ADAM32: variants seen among roughly 807,000 people sequenced by gnomAD.
ADAM32 encodes disintegrin and metalloproteinase domain-containing protein 32.
Under a neutral mutation model 114.9 loss-of-function variants are expected in ADAM32, and 89 were observed. The observed-to-expected ratio is 0.77, with a 90% CI of 0.65 to 0.92. ADAM32 has a LOEUF of 0.92. Ranked by LOEUF, ADAM32 falls within the 40% of genes least tolerant of loss-of-function variation. The pLI is 0.00. For missense variants in ADAM32, 870 were observed against 932.8 expected, an observed-to-expected ratio of 0.93 and a Z score of 0.88; for synonymous variants, 285 against 307.5, an observed-to-expected ratio of 0.93 and a Z score of 0.77.
At chr8:39,276,417 T>A (rs1813074826) in intron 22 of ADAM32, 1 of 152,224 alleles carries the variant, frequency 6.6e-6, no homozygotes, top group Non-Finnish European at 1.5e-5. Flanking sequence ...TCAGTAAGTA[T>A]CTAGTTCCTC....
At position 39,112,858 on chromosome 8, in the gene ADAM32, G is replaced by A. The variant is rs183785513; in HGVS notation, c.58+5025G>A. Reference sequence around the variant, plus strand: ...CGATGAAACGCACAGACTAGTAACAGTAGAAAGCCATATCACATGTGTTGA... The same window carrying A: ...CGATGAAACGCACAGACTAGTAACAATAGAAAGCCATATCACATGTGTTGA... On this transcript the variant is annotated intron_variant, in intron 1 of 24. Transcript: ENST00000379907. Among the ~76,000 whole-genome samples, 7 of 152,334 alleles carry A rather than the reference G, an allele frequency of 4.6e-5. No homozygotes were observed. The East Asian group carries it at 1.3e-3, about 29-fold the overall frequency.
chr8:39,224,390 G>A lies in ADAM32; in HGVS notation c.1525+1152G>A, dbSNP rs1044400698. On this transcript the variant is annotated intron_variant, in intron 14 of 24. Transcript: ENST00000379907. ...AGCTGTACCAACTTATATTCCCACT[G>A]ACAGTGTATGAGGGTTTCTTTTCTC... Among the ~76,000 whole-genome samples, 8 of 152,142 alleles carry A rather than the reference G, an allele frequency of 5.3e-5. No homozygotes were observed. In the East Asian group the frequency reaches 1.5e-3, roughly 29 times the overall value.
intron 11 of ADAM32, 50 bp from the exon 12 acceptor site, chr8:39,211,094 T>C (rs1808175516): frequency 7.7e-7 from 1 of 1,305,520 alleles, no homozygotes; most frequent in Non-Finnish European, 1.0e-6. Flanking sequence ...CATATAGAAA[T>C]GTGTTTCCAG....
chr8:39,259,505 G>T (rs10088174), intron 19 of ADAM32, among the ~76,000 whole-genome samples: 1 of 151,700 alleles, frequency 6.6e-6, no homozygotes, highest in African/African-American at 2.4e-5. Flanking sequence ...TTTTCTTTAA[G>T]TTTTAGTATT....
At chr8:39,142,980 C>T (rs998503534) in intron 3 of ADAM32, among the ~76,000 whole-genome samples, 3 of 152,120 alleles carry the variant, frequency 2.0e-5, no homozygotes, top group Non-Finnish European at 4.4e-5. Flanking sequence ...GATATTGTTT[C>T]TTCCACTTGA....
chr8:39,244,756 C>T (rs548298957), intron 16 of ADAM32, among the ~76,000 whole-genome samples: 55 of 152,100 alleles, frequency 3.6e-4, no homozygotes, highest in South Asian at 8.3e-4. Context: ...TGTTAAATGA[C>T]GAGTTAATGG....
chr8:39,179,816 G>T (rs1034117520), intron 10 of ADAM32, among the ~76,000 whole-genome samples: 28 of 152,228 alleles, frequency 1.8e-4, no homozygotes, highest in Admixed American at 6.5e-5. Context: ...TCAGTTGAAA[G>T]TGTAGAATTT....
intron 7 of ADAM32, among the ~76,000 whole-genome samples, chr8:39,162,177 T>C (rs13439544): frequency 0.27 from 29,168 of 109,788 alleles, 3,924 homozygotes; most frequent in Admixed American, 0.33. Context: ...CACCCCACAA[T>C]AGGCCCTGGT....
chr8:39,262,305 G>A (rs1812086732), intron 19 of ADAM32, among the ~76,000 whole-genome samples: 1 of 151,730 alleles, frequency 6.6e-6, no homozygotes, highest in African/African-American at 2.4e-5. Context: ...TGAAGAGACT[G>A]CCCTTTCTCC....
intron 11 of ADAM32, among the ~76,000 whole-genome samples, chr8:39,195,309 G>C (rs1430282239): frequency 6.6e-6 from 1 of 152,130 alleles, no homozygotes; most frequent in Non-Finnish European, 1.5e-5. Context: ...AGGTTTTTGA[G>C]ATCCTTGTAT....
At chr8:39,188,441 T>A (rs1806394040) in intron 11 of ADAM32, among the ~76,000 whole-genome samples, 1 of 152,138 alleles carries the variant, frequency 6.6e-6, no homozygotes, top group Admixed American at 6.5e-5. Flanking sequence ...AATAATTATT[T>A]TGGGCTCATT....
intron 11 of ADAM32, among the ~76,000 whole-genome samples, chr8:39,207,445 G>A (rs923556273): frequency 4.0e-5 from 6 of 151,886 alleles, no homozygotes; most frequent in African/African-American, 1.2e-4. Flanking sequence ...AAATTTTTAC[G>A]TGTATATGGG....
At chr8:39,211,414 G>C in intron 12 of ADAM32, 90 bp downstream of exon 12, 1 of 1,218,436 alleles carries the variant, frequency 8.2e-7, no homozygotes, top group African/African-American at 1.6e-5. Flanking sequence ...ATGTGAATGA[G>C]TACCATGCAG....
chr8:39,159,680 T>G (rs1308840603), intron 6 of ADAM32, among the ~76,000 whole-genome samples: 1 of 152,230 alleles, frequency 6.6e-6, no homozygotes, highest in Non-Finnish European at 1.5e-5. Flanking sequence ...TTATAAACAC[T>G]GCCTTGGAGT....
At chr8:39,117,985 C>A in intron 1 of ADAM32, 101 bp from the exon 2 acceptor site, 1 of 679,532 alleles carries the variant, frequency 1.5e-6, no homozygotes, top group Non-Finnish European at 2.4e-6. Context: ...CAGTGATGAG[C>A]CACCCATACC....
intron 10 of ADAM32, among the ~76,000 whole-genome samples, chr8:39,171,797 T>C (rs892649152): frequency 1.3e-5 from 2 of 151,296 alleles, no homozygotes; most frequent in Non-Finnish European, 2.9e-5. Flanking sequence ...TTGTTGCTTA[T>C]GTTTAAATAT....
intron 17 of ADAM32, among the ~76,000 whole-genome samples, chr8:39,251,072 A>G (rs1041066334): frequency 6.6e-6 from 1 of 151,826 alleles, no homozygotes; most frequent in African/African-American, 2.4e-5. Context: ...TTATTCATCT[A>G]TTCATGGACG....
At chr8:39,255,225 T>C (rs1461752158) in intron 18 of ADAM32, among the ~76,000 whole-genome samples, 1 of 151,936 alleles carries the variant, frequency 6.6e-6, no homozygotes, top group Non-Finnish European at 1.5e-5. Flanking sequence ...ATATAATGAC[T>C]TCCTCTGGGT....
chr8:39,158,444 A>G (rs889915456), intron 6 of ADAM32: 7 of 210,114 alleles, frequency 3.3e-5, no homozygotes, highest in Non-Finnish European at 9.5e-6. Context: ...CAGGATGCCT[A>G]CTACCACCAT....
Sources: allele counts gnomAD v4.1 joint callset (sites outside exome capture counted in the v4.1 genomes callset), GRCh38; gene constraint gnomAD v4.1.1; transcripts MANE v1.5; gene names NCBI Gene and HGNC (gene_info 2026-07-23, HGNC 2026-07-21).